Variants in CEP63 observed in about 807,000 individuals in gnomAD.
CEP63 encodes centrosomal protein 63.
In CEP63, 84 loss-of-function variants were observed where a neutral mutation model predicts 89.1. That is an observed-to-expected ratio of 0.94 (90% CI 0.79 to 1.13). The LOEUF (loss-of-function observed/expected upper bound fraction) is 1.13, where lower values mean the gene tolerates loss of function less well. CEP63 is among the 50% of genes most tolerant of loss of function. CEP63 has a pLI of 0.00. For synonymous variants in CEP63, 267 were observed against 272.5 expected (o/e 0.98, Z 0.20); for missense variants, 838 against 813.3 (o/e 1.03, Z -0.37).
At chr3:134,731,620 C>T in the CEP63 span, among the ~76,000 whole-genome samples, 1 of 152,122 alleles carries the variant, frequency 6.6e-6, no homozygotes, top group African/African-American at 2.4e-5. Flanking sequence ...TTTTATATCT[C>T]ATCTCCAAAA....
At chr3:134,606,476 A>C in the CEP63 span, among the ~76,000 whole-genome samples, 1 of 151,998 alleles carries the variant, frequency 6.6e-6, no homozygotes, top group Non-Finnish European at 1.5e-5. Flanking sequence ...CTTCATGGTA[A>C]TGTCCCCGTG....
At chr3:134,749,600 C>CTGTGTGTGCA in the CEP63 span, among the ~76,000 whole-genome samples, 28 of 145,188 alleles carry the variant, frequency 1.9e-4, no homozygotes, top group African/African-American at 7.1e-4. Context: ...GATGAAGGGT[C>CTGTGTGTGCA]TGTGTGTGCA....
chr3:134,607,468 C>T, the CEP63 span: 4 of 985,748 alleles, frequency 4.1e-6, no homozygotes, highest in Middle Eastern at 5.2e-4. Context: ...GACCTCCTGT[C>T]CTGGGCGGAT....
intron 10 of CEP63, among the ~76,000 whole-genome samples, chr3:134,585,227 T>C (rs1010178968): frequency 1.3e-5 from 2 of 152,098 alleles, no homozygotes; most frequent in Non-Finnish European, 2.9e-5. Context: ...TGCCTTCTGC[T>C]AGCTTTTGAA....
chr3:134,596,263 G>C, the CEP63 span, among the ~76,000 whole-genome samples: 1 of 152,290 alleles, frequency 6.6e-6, no homozygotes, highest in South Asian at 2.1e-4. Flanking sequence ...ACAACCCTCT[G>C]CTACCCACCT....
chr3:134,599,214 G>C, the CEP63 span, among the ~76,000 whole-genome samples: 3 of 152,216 alleles, frequency 2.0e-5, no homozygotes, highest in Non-Finnish European at 4.4e-5. Flanking sequence ...TTTTCAGACT[G>C]TTCTAATAAC....
chr3:134,579,390 A>G (rs1445563976), downstream of CEP63, among the ~76,000 whole-genome samples: 3 of 152,214 alleles, frequency 2.0e-5, no homozygotes, highest in African/African-American at 4.8e-5. Flanking sequence ...AAGCTATTTT[A>G]TATTCTCATC....
chr3:134,604,329 G>T, the CEP63 span: 1 of 1,614,022 alleles, frequency 6.2e-7, no homozygotes, highest in Non-Finnish European at 8.5e-7. Context: ...TCTGCAGCTT[G>T]TGAGTGCCCA....
chr3:134,777,546 ATGGTGAGTAT>A, the CEP63 span, among the ~76,000 whole-genome samples: 1 of 151,790 alleles, frequency 6.6e-6, no homozygotes, highest in African/African-American at 2.4e-5. Flanking sequence ...ATACATGGAA[ATGGTGAGTAT>A]TGTGGTTTCT....
At chr3:134,638,191 G>C in the CEP63 span, among the ~76,000 whole-genome samples, 11 of 152,222 alleles carry the variant, frequency 7.2e-5, no homozygotes, top group Admixed American at 5.9e-4. Context: ...GGCTGGACAC[G>C]CTGTTTCAAG....
At chr3:134,648,609 G>A in the CEP63 span, among the ~76,000 whole-genome samples, 3 of 152,166 alleles carry the variant, frequency 2.0e-5, no homozygotes, top group South Asian at 6.2e-4. Flanking sequence ...GGCTGCTAGG[G>A]CCTTACAGAA....
At chr3:134,662,792 G>A in the CEP63 span, among the ~76,000 whole-genome samples, 1 of 152,236 alleles carries the variant, frequency 6.6e-6, no homozygotes. Context: ...CAACCACAAA[G>A]TCTATCACTC....
the CEP63 span, among the ~76,000 whole-genome samples, chr3:134,634,305 G>GA: frequency 4.7e-5 from 7 of 148,734 alleles, no homozygotes; most frequent in African/African-American, 9.9e-5. Context: ...AACTAATTTT[G>GA]AAAAAAAAAG....
downstream of CEP63, among the ~76,000 whole-genome samples, chr3:134,579,646 T>C (rs1207140840): frequency 6.6e-6 from 1 of 152,220 alleles, no homozygotes; most frequent in Admixed American, 6.5e-5. Flanking sequence ...TTTCATATTA[T>C]GAAAGGGTAA....
At chr3:134,509,605 A>G (rs2108484438) in intron 3 of CEP63, among the ~76,000 whole-genome samples, 1 of 152,332 alleles carries the variant, frequency 6.6e-6, no homozygotes, top group South Asian at 2.1e-4. Flanking sequence ...TCATTAAAGG[A>G]GCAAAGCAAA....
chr3:134,709,411 A>G, the CEP63 span, among the ~76,000 whole-genome samples: 88 of 144,962 alleles, frequency 6.1e-4, no homozygotes, highest in African/African-American at 2.2e-3. Context: ...GAGGGGAATG[A>G]CTGCTGCTAT....
intron 11 of CEP63, among the ~76,000 whole-genome samples, chr3:134,573,846 A>G (rs929543651): frequency 1.3e-5 from 2 of 152,162 alleles, no homozygotes; most frequent in Non-Finnish European, 2.9e-5. Flanking sequence ...TTGGAGAACT[A>G]TTGTTCTGCA....
the CEP63 span, among the ~76,000 whole-genome samples, chr3:134,654,929 C>T: frequency 3.9e-5 from 6 of 152,170 alleles, no homozygotes; most frequent in Admixed American, 6.5e-5. Flanking sequence ...TGGAAGCTCA[C>T]CCCTGCTCTT....
rs182342363 is a variant in CEP63, at chr3:134,587,576, C to G, written c.1325C>G (p.Ser442Cys). Among the ~76,000 whole-genome samples the G allele has an allele frequency of 2.2e-4, 34 of 152,268 alleles. No individual in the cohort carries two copies. In the East Asian group the frequency reaches 6.2e-3, roughly 28 times the overall value. The stretch of plus-strand genomic sequence containing the variant: ...CTGATCCTTCCCCCGGAAGCTTCAT[C>G]CCAGAGGGGCACCTGCCTGTATGAG... Residue 442 changes from serine (S) to cysteine (C), a missense_variant, in exon 11 of 11, where the codon TCC (serine) becomes TGC (cysteine). Transcript: ENST00000683931.
Sources: allele counts gnomAD v4.1 joint callset (sites outside exome capture counted in the v4.1 genomes callset), GRCh38; gene constraint gnomAD v4.1.1; transcripts MANE v1.5; gene names NCBI Gene and HGNC (gene_info 2026-07-23, HGNC 2026-07-21).